Variants in MAD1L1 observed in about 807,000 individuals in gnomAD.
MAD1L1 encodes mitotic arrest deficient 1 like 1, also known as mitotic spindle assembly checkpoint protein MAD1.
In MAD1L1, 95 loss-of-function variants were observed where a neutral mutation model predicts 96.9. The observed-to-expected ratio is 0.98, with a 90% CI of 0.83 to 1.16. The LOEUF (loss-of-function observed/expected upper bound fraction) is 1.16, where lower values mean the gene tolerates loss of function less well. MAD1L1 is among the 50% of genes most tolerant of loss of function. The pLI is 0.00. For missense variants in MAD1L1, 1,007 were observed against 954.4 expected, an observed-to-expected ratio of 1.06 and a Z score of -0.73; for synonymous variants, 473 against 396.6, an observed-to-expected ratio of 1.19 and a Z score of -2.29.
At chr7:1,874,517 C>T (rs766432875) in intron 18 of MAD1L1, 4 of 455,594 alleles carry the variant, frequency 8.8e-6, no homozygotes, top group African/African-American at 2.0e-5. Context: ...TATAGCTTTC[C>T]GCACAGCTTG....
chr7:1,827,560 CCCGT>C (rs1357700677), intron 18 of MAD1L1, among the ~76,000 whole-genome samples: 30 of 129,012 alleles, frequency 2.3e-4, no homozygotes, highest in South Asian at 5.1e-4. Flanking sequence ...CCCTCCTGAG[CCCGT>C]CCCGGGTGTG....
chr7:1,912,574 C>T (rs894179069), intron 17 of MAD1L1, among the ~76,000 whole-genome samples: 3 of 152,172 alleles, frequency 2.0e-5, no homozygotes, highest in Non-Finnish European at 4.4e-5. Context: ...TCAGAGCCAC[C>T]GGGACCCTGT....
At chr7:2,107,945 A>G (rs1787180861) in intron 11 of MAD1L1, among the ~76,000 whole-genome samples, 1 of 152,088 alleles carries the variant, frequency 6.6e-6, no homozygotes, top group African/African-American at 2.4e-5. Context: ...TCTCCACAGA[A>G]GAGTCCAGGC....
intron 18 of MAD1L1, chr7:1,847,141 T>C (rs559144782): frequency 5.2e-6 from 2 of 385,774 alleles, no homozygotes; most frequent in East Asian, 7.3e-5. Context: ...TTTAAAGGCC[T>C]CTGACTTTCC....
At chr7:2,116,567 T>TGGG (rs3076522) in intron 11 of MAD1L1, among the ~76,000 whole-genome samples, 7 of 35,888 alleles carry the variant, frequency 2.0e-4, no homozygotes, top group East Asian at 7.3e-4. Flanking sequence ...GCCAGAGGGT[T>TGGG]GGGGGGGGGG....
chr7:1,928,653 T>C (rs1789242485), intron 17 of MAD1L1, among the ~76,000 whole-genome samples: 1 of 152,142 alleles, frequency 6.6e-6, no homozygotes, highest in Non-Finnish European at 1.5e-5. Context: ...TGCACCCCCA[T>C]CCCATTTGAA....
chr7:2,216,088 A>C, intron 8 of MAD1L1, 69 bp downstream of exon 8: 3 of 1,608,822 alleles, frequency 1.9e-6, no homozygotes, highest in Non-Finnish European at 2.5e-6. Context: ...CAGGGTCTGC[A>C]CAGTGGGCTC....
At position 1,904,696 on chromosome 7, in the gene MAD1L1, G is replaced by A. The variant is rs1421289350; in HGVS notation, c.1808-6306C>T. ...AAGCACTGTTCCAGGCAGCGAGGAC[G>A]CAGTGGCCTATGGAAGACGCTCTTG... On this transcript the variant is annotated intron_variant, in intron 17 of 18. Transcript: ENST00000265854. Among the ~76,000 whole-genome samples, 28 of 127,506 alleles carry A rather than the reference G, an allele frequency of 2.2e-4. 2 individuals carry two copies. The highest frequency in any genetic ancestry group is 3.6e-4 in the Non-Finnish European group (23 of 63,508). 83.6% of individuals were successfully genotyped at this position (127,506 alleles called of 152,430 possible). A position where few individuals can be genotyped will look rare whatever the true frequency, so the allele number is the denominator to read the frequency against.
intron 12 of MAD1L1, among the ~76,000 whole-genome samples, chr7:2,028,700 G>A (rs1466673564): frequency 2.6e-5 from 4 of 152,054 alleles, no homozygotes; most frequent in African/African-American, 7.2e-5. Context: ...TGAAACTTGT[G>A]GTTTTGCCAA....
At chr7:1,901,280 G>T (rs938990186) in intron 17 of MAD1L1, among the ~76,000 whole-genome samples, 1 of 152,198 alleles carries the variant, frequency 6.6e-6, no homozygotes, top group African/African-American at 2.4e-5. Flanking sequence ...TAAAAGATGG[G>T]TTTTCCGCCT....
chr7:1,848,061 C>T (rs115516294), intron 18 of MAD1L1: 5 of 333,556 alleles, frequency 1.5e-5, no homozygotes, highest in African/African-American at 4.3e-5. Context: ...TGTGGTGGGA[C>T]GGGGCTGGGG....
In MAD1L1 at chr7:2,217,967, T is replaced by A; in HGVS notation, c.673A>T (p.Ile225Phe). The change falls in exon 7 of 19, where the codon ATT becomes TTT. Residue 225 changes from isoleucine to phenylalanine, a missense_variant. Physicochemically the swap from Ile to Phe is conservative, Grantham distance 21. Transcript: ENST00000265854. ...ACTGACAGGGAGTGACTCACCTTAATCTGCTGCTCGTGGTCTGCTCTTGCT... is the reference window on the plus strand; with the variant it reads ...ACTGACAGGGAGTGACTCACCTTAAACTGCTGCTCGTGGTCTGCTCTTGCT... ...QEARADHEQQ[I>F]KDLEQKLSLQ... The A allele has an allele frequency of 6.2e-7, 1 of 1,613,500 alleles. No homozygotes were observed. Among genetic ancestry groups the A allele is most frequent in the Non-Finnish European group, 8.5e-7 (1 of 1,179,368 alleles).
chr7:2,193,936 A>ATTTTTTTTTTTTTTTTTTTTTTTTTTT (rs35067993), intron 10 of MAD1L1, among the ~76,000 whole-genome samples: 1 of 82,802 alleles, frequency 1.2e-5, no homozygotes, highest in African/African-American at 4.7e-5. Flanking sequence ...CTCTGCATGG[A>ATTTTTTTTTTTTTTTTTTTTTTTTTTT]TTTTTTTTTT....
chr7:1,842,357 C>G (rs573425006), intron 18 of MAD1L1, among the ~76,000 whole-genome samples: 32 of 152,248 alleles, frequency 2.1e-4, no homozygotes, highest in Admixed American at 7.8e-4. Context: ...GCGGCTCCGG[C>G]CCTGGAGGCC....
chr7:2,044,036 G>T (rs145602230), intron 12 of MAD1L1, among the ~76,000 whole-genome samples: 24 of 152,346 alleles, frequency 1.6e-4, no homozygotes, highest in Non-Finnish European at 3.4e-4. Flanking sequence ...CACAGCAAAG[G>T]CCTGATGGAG....
intron 17 of MAD1L1, among the ~76,000 whole-genome samples, chr7:1,913,979 G>A (rs4721188): frequency 0.8 from 121,060 of 151,990 alleles, 48,317 homozygotes; most frequent in East Asian, 0.89. Flanking sequence ...ATGCTGGGGG[G>A]GGAGAGGGTA....
At chr7:2,065,509 G>A (rs1784841187) in intron 12 of MAD1L1, among the ~76,000 whole-genome samples, 1 of 152,234 alleles carries the variant, frequency 6.6e-6, no homozygotes, top group South Asian at 2.1e-4. Flanking sequence ...GAGGACGTGG[G>A]AGAGGGGAAT....
intron 18 of MAD1L1, among the ~76,000 whole-genome samples, chr7:1,840,613 C>A (rs1438994310): frequency 6.6e-6 from 1 of 152,238 alleles, no homozygotes; most frequent in Non-Finnish European, 1.5e-5. Flanking sequence ...CCTGTAATCC[C>A]AGCTACTCGG....
chr7:1,899,335 A>G (rs1337110489), intron 17 of MAD1L1, among the ~76,000 whole-genome samples: 1 of 152,192 alleles, frequency 6.6e-6, no homozygotes, highest in African/African-American at 2.4e-5. Flanking sequence ...GCTTCCCAGC[A>G]GTGCTGTCTG....
Sources: allele counts gnomAD v4.1 joint callset (sites outside exome capture counted in the v4.1 genomes callset), GRCh38; gene constraint gnomAD v4.1.1; transcripts MANE v1.5; gene names NCBI Gene and HGNC (gene_info 2026-07-23, HGNC 2026-07-21).